MMP26: variants seen among roughly 807,000 people sequenced by gnomAD.
The protein encoded by MMP26 is matrix metalloproteinase-26.
In MMP26, 33 loss-of-function variants were observed where a neutral mutation model predicts 31.0. That is an observed-to-expected ratio of 1.06 (90% CI 0.81 to 1.42). MMP26 has a LOEUF of 1.42. MMP26 is among the 40% of genes most tolerant of loss of function. The probability of loss-of-function intolerance (pLI) is 0.00; values close to 1 mark genes in which losing one functional copy is unlikely to be tolerated. For synonymous variants in MMP26, 122 were observed against 114.9 expected (o/e 1.06, Z -0.40); for missense variants, 347 against 316.1 (o/e 1.10, Z -0.74).
At chr11:4,841,153 G>A (rs1156902561) in intron 2 of MMP26, among the ~76,000 whole-genome samples, 2 of 152,088 alleles carry the variant, frequency 1.3e-5, no homozygotes, top group Admixed American at 6.5e-5. Flanking sequence ...AAACAACAAA[G>A]CGTACTTACA....
intron 2 of MMP26, among the ~76,000 whole-genome samples, chr11:4,926,020 A>T (rs2133586120): frequency 6.6e-6 from 1 of 152,266 alleles, no homozygotes; most frequent in South Asian, 2.1e-4. Context: ...GAAAAGAAAG[A>T]TAGGAAGTTG....
intron 2 of MMP26, among the ~76,000 whole-genome samples, chr11:4,981,764 TA>T (rs1376076958): frequency 6.6e-6 from 1 of 152,090 alleles, no homozygotes; most frequent in African/African-American, 2.4e-5. Context: ...TGTATAACTG[TA>T]AAAAATTTTT....
intron 1 of MMP26, among the ~76,000 whole-genome samples, chr11:4,731,445 G>C (rs1328682562): frequency 6.6e-6 from 1 of 152,112 alleles, no homozygotes; most frequent in Non-Finnish European, 1.5e-5. Flanking sequence ...GTATGAAGAT[G>C]AGAGCTCTAA....
At chr11:4,855,935 A>G (rs1270821501) in intron 2 of MMP26, among the ~76,000 whole-genome samples, 1 of 152,238 alleles carries the variant, frequency 6.6e-6, no homozygotes, top group Non-Finnish European at 1.5e-5. Context: ...CTTAAAGAAA[A>G]GAATTTTCAA....
At chr11:4,720,950 C>A (rs1008362302) in intron 1 of MMP26, among the ~76,000 whole-genome samples, 3 of 152,150 alleles carry the variant, frequency 2.0e-5, no homozygotes, top group African/African-American at 7.2e-5. Flanking sequence ...AAAAATAAAA[C>A]TAGAAACTGG....
At chr11:4,755,904 G>C (rs143243100) in intron 1 of MMP26, among the ~76,000 whole-genome samples, 301 of 152,028 alleles carry the variant, frequency 2.0e-3, no homozygotes, top group Non-Finnish European at 3.3e-3. Context: ...ATTAATAAAG[G>C]AACAACATCT....
intron 2 of MMP26, among the ~76,000 whole-genome samples, chr11:4,862,281 C>T (rs1485394394): frequency 6.6e-6 from 1 of 152,132 alleles, no homozygotes; most frequent in Non-Finnish European, 1.5e-5. Context: ...ATCTCTCCTA[C>T]TAGAAGTTAA....
At chr11:4,769,149 T>A (rs745589636) in intron 2 of MMP26, 1 of 1,613,396 alleles carries the variant, frequency 6.2e-7, no homozygotes. Context: ...AGGCTCAGCA[T>A]GTGGATGTAG....
At chr11:4,896,906 A>G (rs748381220) in intron 2 of MMP26, among the ~76,000 whole-genome samples, 12 of 152,134 alleles carry the variant, frequency 7.9e-5, no homozygotes, top group Non-Finnish European at 1.6e-4. Context: ...ATACATTAAG[A>G]TGGCTATTTC....
intron 2 of MMP26, chr11:4,877,502 C>G (rs1245248975): frequency 6.6e-6 from 1 of 152,158 alleles, no homozygotes; most frequent in African/African-American, 2.4e-5. Flanking sequence ...AGGGTTAGCC[C>G]TTAATGGCAT....
intron 2 of MMP26, among the ~76,000 whole-genome samples, chr11:4,901,637 T>C (rs1409563360): frequency 2.0e-5 from 3 of 152,186 alleles, no homozygotes; most frequent in Admixed American, 6.5e-5. Flanking sequence ...TAAAAAATGC[T>C]TTAGTTTGTC....
chr11:4,744,723 G>T (rs1404558955), intron 1 of MMP26, among the ~76,000 whole-genome samples: 1 of 152,126 alleles, frequency 6.6e-6, no homozygotes. Context: ...TTATTCTCCC[G>T]TGTGGTTTCT....
At chr11:4,900,089 C>T (rs1470310539) in intron 2 of MMP26, among the ~76,000 whole-genome samples, 1 of 152,156 alleles carries the variant, frequency 6.6e-6, no homozygotes, top group Non-Finnish European at 1.5e-5. Flanking sequence ...AAGGTGGAGA[C>T]TCAACTCTAC....
intron 2 of MMP26, chr11:4,768,969 C>T: frequency 6.7e-7 from 1 of 1,486,924 alleles, no homozygotes; most frequent in Non-Finnish European, 9.0e-7. Context: ...TCAAATAAAA[C>T]TATGTCTGTT....
chr11:4,859,817 C>A (rs915511434), intron 2 of MMP26: 5 of 471,258 alleles, frequency 1.1e-5, no homozygotes, highest in Non-Finnish European at 4.4e-6. Flanking sequence ...AAGAGGAGCA[C>A]GGTAGACATG....
intron 2 of MMP26, among the ~76,000 whole-genome samples, chr11:4,983,945 G>A (rs756426750): frequency 1.3e-5 from 2 of 152,138 alleles, no homozygotes; most frequent in Admixed American, 1.3e-4. Flanking sequence ...ACACTGTTGT[G>A]CTTTCAACAC....
chr11:4,931,558 CAAT>C (rs1352120790), intron 2 of MMP26, among the ~76,000 whole-genome samples: 1 of 151,900 alleles, frequency 6.6e-6, no homozygotes, highest in Admixed American at 6.6e-5. Flanking sequence ...TATATTAAAA[CAAT>C]AAATAAATTA....
intron 1 of MMP26, among the ~76,000 whole-genome samples, chr11:4,713,105 G>T (rs763236261): frequency 6.6e-6 from 1 of 151,906 alleles, no homozygotes; most frequent in African/African-American, 2.4e-5. Context: ...TGTGATGTTT[G>T]TACCATTCAG....
At chr11:4,988,712 G>C (rs545603487) in intron 3 of MMP26, among the ~76,000 whole-genome samples, 1 of 151,956 alleles carries the variant, frequency 6.6e-6, no homozygotes, top group Admixed American at 6.6e-5. Flanking sequence ...TCTCCCAGTC[G>C]GTCTACCACA....
Sources: gnomAD v4.1 joint callset for allele counts (sites outside exome capture counted in the v4.1 genomes callset) on GRCh38, gnomAD v4.1.1 for gene constraint, MANE v1.5 for transcripts, NCBI Gene and HGNC (gene_info 2026-07-23, HGNC 2026-07-21) for gene names.